Variants in CPZ observed in about 807,000 individuals in gnomAD.
The protein encoded by CPZ is VEZT/CPZ fusion.
Under a neutral mutation model 61.8 loss-of-function variants are expected in CPZ, and 103 were observed. That is an observed-to-expected ratio of 1.67 (90% CI 1.42 to 1.96). The LOEUF is 1.96. Among genes scored for constraint, CPZ ranks in the 30% most tolerant of loss-of-function variants. The pLI is 0.00. For synonymous variants in CPZ, 551 were observed against 373.7 expected, an observed-to-expected ratio of 1.47 and a Z score of -5.47; for missense variants, 1,461 against 914.9, an observed-to-expected ratio of 1.60 and a Z score of -7.70.
At chr4:8,609,160 T>TTCTCGTTAACTCAGC (rs1553877645) in intron 7 of CPZ, among the ~76,000 whole-genome samples, 2 of 137,110 alleles carry the variant, frequency 1.5e-5, no homozygotes, top group Non-Finnish European at 3.1e-5. Context: ...ACTCCCTCAC[T>TTCTCGTTAACTCAGC]CATTCACTCA....
chr4:8,593,377 A>G (rs1713941794), intron 1 of CPZ, among the ~76,000 whole-genome samples: 2 of 152,158 alleles, frequency 1.3e-5, no homozygotes, highest in South Asian at 4.1e-4. Context: ...GTGGACAGCA[A>G]GTCTCCGGAA....
rs149934510 is a variant in CPZ, at chr4:8,604,015, C to A, written c.536C>A (p.Pro179Gln). Reference sequence around the variant, plus strand: ...GACGAGGCACTGCCCTCAGGGCTGCCGCCCACCTTCATCCGCTTCAGCCAC... The same window carrying A: ...GACGAGGCACTGCCCTCAGGGCTGCAGCCCACCTTCATCCGCTTCAGCCAC... ...EADEALPSGL[P>Q]PTFIRFSHHS... is the part of the protein sequence containing the mutation. Residue 179 changes from proline (P) to glutamine (Q), a missense_variant, in exon 4 of 11, where the codon CCG becomes CAG. Coordinates refer to ENST00000360986, the MANE Select transcript of CPZ (RefSeq NM_001014447.3). 2 of 1,612,098 alleles carry A rather than the reference C, an allele frequency of 1.2e-6. No homozygotes were observed. Among genetic ancestry groups the A allele is most frequent in the Non-Finnish European group, 1.7e-6 (2 of 1,179,822 alleles).
intron 9 of CPZ, among the ~76,000 whole-genome samples, chr4:8,616,804 G>A (rs895346094): frequency 8.5e-5 from 13 of 152,218 alleles, no homozygotes; most frequent in African/African-American, 2.7e-4. Context: ...GCGAGTCCAT[G>A]AGACATTGTT....
intron 7 of CPZ, among the ~76,000 whole-genome samples, chr4:8,610,995 T>G (rs1362487424): frequency 1.3e-5 from 2 of 149,044 alleles, no homozygotes; most frequent in South Asian, 4.2e-4. Flanking sequence ...CACTCACTCT[T>G]TCACTCATTC....
intron 9 of CPZ, among the ~76,000 whole-genome samples, chr4:8,615,832 C>G (rs1286533802): frequency 6.6e-6 from 1 of 152,174 alleles, no homozygotes; most frequent in Non-Finnish European, 1.5e-5. Context: ...AAGAATCGAG[C>G]GAACTCCCTG....
chr4:8,605,850 A>T, intron 4 of CPZ, 139 bp from the exon 5 acceptor site: 1 of 803,204 alleles, frequency 1.2e-6, no homozygotes, highest in Non-Finnish European at 1.9e-6. Context: ...AGACCTCATT[A>T]TATACAGAGG....
rs779466341 is a variant in CPZ, at chr4:8,592,920, C to T, written c.87C>T (p.Ala29=). The change falls in exon 1 of 11, where the codon GCC becomes GCT. Residue 29 remains alanine (A), a splice_region_variant and synonymous_variant. Coordinates refer to ENST00000360986, the MANE Select transcript of CPZ (RefSeq NM_001014447.3). ...RPGCEFERNP[A]GECHRPPAAD... is the part of the protein sequence containing the mutation. ...GGTGCGAGTTTGAGCGGAACCCCGC[C>T]GGTAAGGCCGTCCCCTGCCCCCACC... 6 of 1,535,030 alleles carry T rather than the reference C, an allele frequency of 3.9e-6. No individual in the cohort carries two copies. The South Asian group carries it at 4.8e-5, about 12-fold the overall frequency.
intron 7 of CPZ, 79 bp downstream of exon 7, chr4:8,607,504 G>A (rs751043371): frequency 6.0e-6 from 9 of 1,510,068 alleles, no homozygotes; most frequent in African/African-American, 5.5e-5. Flanking sequence ...CTCCAGTCCT[G>A]AGCTCAGTGA....
At chr4:8,617,376 G>T (rs944687681) in intron 9 of CPZ, among the ~76,000 whole-genome samples, 4 of 152,186 alleles carry the variant, frequency 2.6e-5, no homozygotes, top group Non-Finnish European at 5.9e-5. Flanking sequence ...TCGGGCTAAT[G>T]TCCCGGGGCC....
At chr4:8,607,005 GCTCC>G in intron 6 of CPZ, 107 bp downstream of exon 6, 1 of 1,313,326 alleles carries the variant, frequency 7.6e-7, no homozygotes, top group Middle Eastern at 2.5e-4. Flanking sequence ...AGAGCCTGGT[GCTCC>G]CTCCCTGCCT....
chr4:8,615,592 C>A (rs1410592304), intron 9 of CPZ, among the ~76,000 whole-genome samples: 3 of 152,188 alleles, frequency 2.0e-5, no homozygotes, highest in Non-Finnish European at 4.4e-5. Context: ...GGCCGGGCGG[C>A]AGACGGGGCC....
chr4:8,607,925 A>T (rs901587115), intron 7 of CPZ, among the ~76,000 whole-genome samples: 2 of 152,078 alleles, frequency 1.3e-5, no homozygotes, highest in Non-Finnish European at 1.5e-5. Flanking sequence ...CTGGGCCATT[A>T]GGTGAGGCCC....
At chr4:8,601,704 T>G (rs1410867683) in intron 3 of CPZ, among the ~76,000 whole-genome samples, 2 of 152,122 alleles carry the variant, frequency 1.3e-5, no homozygotes, top group African/African-American at 4.8e-5. Context: ...TGGAGGATCC[T>G]CTCGCTGCCC....
In CPZ at chr4:8,619,707, T is replaced by C; in HGVS notation, c.*90T>C. The stretch of plus-strand genomic sequence containing the variant: ...CTCTTGATTTTGTCTGCCACAGACA[T>C]CCCACAAAGCCGCTGCCATTTTATT... On this transcript the variant is annotated 3_prime_UTR_variant, in exon 11 of 11. Transcript: ENST00000360986. 3 of 999,686 alleles carry C rather than the reference T, an allele frequency of 3.0e-6. No homozygotes were observed. The highest frequency in any genetic ancestry group is 4.2e-6 in the Non-Finnish European group (3 of 714,558). 61.9% of individuals were successfully genotyped at this position (999,686 alleles called of 1,614,324 possible).
chr4:8,610,466 C>T (rs1267314587), intron 7 of CPZ, among the ~76,000 whole-genome samples: 1 of 152,122 alleles, frequency 6.6e-6, no homozygotes, highest in African/African-American at 2.4e-5. Flanking sequence ...GCAGGGAGGC[C>T]TTGTGGGTAG....
intron 7 of CPZ, among the ~76,000 whole-genome samples, chr4:8,609,288 C>CTCAT (rs71175494): frequency 0.66 from 99,724 of 151,652 alleles, 33,287 homozygotes; most frequent in South Asian, 0.85. Flanking sequence ...CACTAATTTT[C>CTCAT]TCAGTCATTC....
Position 8,604,885 on chromosome 4 carries a change from G to T in CPZ, c.709+697G>T, listed in dbSNP as rs549689931. ...AGCCTCAGCCAGTCTTCATCCTACT[G>T]GTCTGGGCAGCATGAACACCATGAG... On this transcript the variant is annotated intron_variant, in intron 4 of 10. Coordinates refer to ENST00000360986, the MANE Select transcript of CPZ (RefSeq NM_001014447.3). Among the ~76,000 whole-genome samples, 27 of 152,344 alleles carry T rather than the reference G, an allele frequency of 1.8e-4. No homozygotes were observed. In the South Asian group the frequency reaches 5.6e-3, roughly 32 times the overall value.
intron 6 of CPZ, 49 bp downstream of exon 6, chr4:8,606,947 T>A (rs764622756): frequency 6.5e-6 from 10 of 1,534,698 alleles, no homozygotes; most frequent in Non-Finnish European, 8.8e-6. Context: ...CATCCAGGGG[T>A]CCCTAGTTAT....
At position 8,614,348 on chromosome 4, in the gene CPZ, C is replaced by T. The variant is rs755166551; in HGVS notation, c.1364-11C>T. Reference sequence around the variant, plus strand: ...GACACCCCTGACGTCCCCGCTGTCTCTGTGCCACAGGCATGTCCGATTTCA... The same window carrying T: ...GACACCCCTGACGTCCCCGCTGTCTTTGTGCCACAGGCATGTCCGATTTCA... On this transcript the variant is annotated splice_polypyrimidine_tract_variant and intron_variant, in intron 8 of 10. Transcript: ENST00000360986. 6.8e-6 allele frequency: 11 copies of T among 1,611,178 alleles called. No individual in the cohort carries two copies. Among genetic ancestry groups the T allele is most frequent in the Admixed American group, 3.3e-5 (2 of 59,774 alleles).
Sources: gnomAD v4.1 joint callset for allele counts (sites outside exome capture counted in the v4.1 genomes callset) on GRCh38, gnomAD v4.1.1 for gene constraint, MANE v1.5 for transcripts, NCBI Gene and HGNC (gene_info 2026-07-23, HGNC 2026-07-21) for gene names.